Variants in NRXN1 observed in about 807,000 individuals in gnomAD.
NRXN1 encodes the protein neurexin-1.
Under a neutral mutation model 150.9 loss-of-function variants are expected in NRXN1, and 39 were observed. The ratio of observed to expected loss-of-function variants is 0.26; its 90% CI spans 0.20 to 0.34. The LOEUF (loss-of-function observed/expected upper bound fraction) is 0.34, where lower values mean the gene tolerates loss of function less well. Among genes scored for constraint, NRXN1 ranks in the 10% least tolerant of loss-of-function variants. NRXN1 has a pLI of 1.00. For synonymous variants in NRXN1, 924 were observed against 757.0 expected, an observed-to-expected ratio of 1.22 and a Z score of -3.62; for missense variants, 1,815 against 1,949.9, an observed-to-expected ratio of 0.93 and a Z score of 1.30.
At chr2:50,717,034 G>A (rs946406482) in intron 5 of NRXN1, among the ~76,000 whole-genome samples, 2 of 152,030 alleles carry the variant, frequency 1.3e-5, no homozygotes, top group African/African-American at 4.8e-5. Flanking sequence ...ACCCAATGGA[G>A]CCTTCATGTT....
intron 8 of NRXN1, chr2:50,589,029 C>T (rs188688586): frequency 7.6e-4 from 116 of 152,214 alleles, no homozygotes; most frequent in African/African-American, 2.6e-3. Flanking sequence ...GAAATTATCC[C>T]GAAGCCCGGT....
At chr2:50,537,431 C>G (rs1362680474) in intron 10 of NRXN1, among the ~76,000 whole-genome samples, 1 of 152,162 alleles carries the variant, frequency 6.6e-6, no homozygotes, top group Non-Finnish European at 1.5e-5. Context: ...ACTATTTGTT[C>G]TGCTATTTAT....
At chr2:50,782,593 TAAGAAAA>T (rs1704505700) in intron 5 of NRXN1, among the ~76,000 whole-genome samples, 1 of 151,894 alleles carries the variant, frequency 6.6e-6, no homozygotes, top group African/African-American at 2.4e-5. Context: ...AACCCAAAAA[TAAGAAAA>T]AAGAAAAAAG....
At chr2:49,998,983 T>C (rs1683462561) in intron 21 of NRXN1, among the ~76,000 whole-genome samples, 1 of 152,118 alleles carries the variant, frequency 6.6e-6, no homozygotes, top group African/African-American at 2.4e-5. Context: ...CAAATTACCT[T>C]GTACTAGCAT....
intron 12 of NRXN1, among the ~76,000 whole-genome samples, chr2:50,528,323 A>G (rs2093011204): frequency 6.6e-6 from 1 of 152,118 alleles, no homozygotes; most frequent in Non-Finnish European, 1.5e-5. Context: ...TTATGAAGAG[A>G]ACAACTGGAG....
chr2:50,715,317 T>A (rs910390026), intron 5 of NRXN1, among the ~76,000 whole-genome samples: 1 of 152,124 alleles, frequency 6.6e-6, no homozygotes, highest in African/African-American at 2.4e-5. Flanking sequence ...TGGATCCACA[T>A]CTGTATTCTG....
chr2:50,372,297 T>C (rs180954414), intron 17 of NRXN1, among the ~76,000 whole-genome samples: 283 of 152,202 alleles, frequency 1.9e-3, no homozygotes, highest in African/African-American at 6.7e-3. Flanking sequence ...GTGTTCTCTC[T>C]TTTTGCTGGG....
chr2:51,019,192 G>A (rs1304688505), intron 2 of NRXN1, among the ~76,000 whole-genome samples: 3 of 151,904 alleles, frequency 2.0e-5, no homozygotes, highest in African/African-American at 7.2e-5. Context: ...TAAGGTATTG[G>A]GCATACTTGG....
intron 5 of NRXN1, among the ~76,000 whole-genome samples, chr2:50,628,894 T>C (rs1159572110): frequency 6.6e-6 from 1 of 151,552 alleles, no homozygotes; most frequent in Non-Finnish European, 1.5e-5. Context: ...GACATTAAAG[T>C]ATAAAAGGCT....
chr2:50,729,002 T>C (rs1256338226), intron 5 of NRXN1, among the ~76,000 whole-genome samples: 2 of 152,070 alleles, frequency 1.3e-5, no homozygotes, highest in Non-Finnish European at 2.9e-5. Context: ...CTGTGAAACC[T>C]TTTTTTCCCC....
intron 17 of NRXN1, among the ~76,000 whole-genome samples, chr2:50,311,389 T>C (rs1343723219): frequency 6.6e-6 from 1 of 152,138 alleles, no homozygotes; most frequent in East Asian, 1.9e-4. Context: ...TATTTAAAGA[T>C]ATGCACTGCT....
chr2:50,007,911 T>TA (rs1448612203), intron 21 of NRXN1, among the ~76,000 whole-genome samples: 2 of 152,154 alleles, frequency 1.3e-5, no homozygotes, highest in African/African-American at 4.8e-5. Flanking sequence ...CCTGACTTTT[T>TA]AATGGTAAGT....
intron 5 of NRXN1, among the ~76,000 whole-genome samples, chr2:50,685,980 G>T (rs554017995): frequency 1.7e-4 from 26 of 151,948 alleles, no homozygotes; most frequent in Non-Finnish European, 3.5e-4. Flanking sequence ...AACTAGACAG[G>T]CTTTCTCTAA....
At chr2:50,563,204 G>A (rs1669363048) in intron 8 of NRXN1, among the ~76,000 whole-genome samples, 1 of 151,970 alleles carries the variant, frequency 6.6e-6, no homozygotes, top group South Asian at 2.1e-4. Flanking sequence ...TTTACTTAAG[G>A]GGACTTTAGA....
chr2:50,485,207 A>C (rs1424803936), intron 15 of NRXN1, among the ~76,000 whole-genome samples: 1 of 152,248 alleles, frequency 6.6e-6, no homozygotes, highest in East Asian at 1.9e-4. Flanking sequence ...AAGTGCCAAC[A>C]CAGTCAATAT....
intron 18 of NRXN1, among the ~76,000 whole-genome samples, chr2:50,095,863 T>C (rs906547668): frequency 2.6e-5 from 4 of 151,918 alleles, no homozygotes; most frequent in Non-Finnish European, 4.4e-5. Context: ...TGTATACATG[T>C]GCCATGTTGG....
At chr2:50,721,372 C>A (rs960221391) in intron 5 of NRXN1, among the ~76,000 whole-genome samples, 1 of 152,190 alleles carries the variant, frequency 6.6e-6, no homozygotes, top group African/African-American at 2.4e-5. Flanking sequence ...GAGCTAAGAA[C>A]AGGATCCTGA....
intron 5 of NRXN1, chr2:50,637,511 T>A (rs536017717): frequency 2.9e-4 from 44 of 152,358 alleles, no homozygotes; most frequent in African/African-American, 1.0e-3. Flanking sequence ...GAGAAAGACT[T>A]GAGGTAACTC....
rs1471226422 is a variant in NRXN1, at chr2:50,804,119, G to GA, written c.832+117749dup. 2.6e-5 allele frequency among the ~76,000 whole-genome samples: 4 copies of GA among 151,992 alleles called. No individual in the cohort carries two copies. In the East Asian group the frequency reaches 7.7e-4, roughly 29 times the overall value. The stretch of plus-strand genomic sequence containing the variant: ...CCAATTCTTACCCCTTTCAAACAGC[G>GA]AATCAGTTCTCGAAATGAAATCAAT... On this transcript the variant is annotated intron_variant, in intron 5 of 22. Transcript: ENST00000401669.
Sources: gnomAD v4.1 joint callset for allele counts (sites outside exome capture counted in the v4.1 genomes callset) on GRCh38, gnomAD v4.1.1 for gene constraint, MANE v1.5 for transcripts, NCBI Gene and HGNC (gene_info 2026-07-23, HGNC 2026-07-21) for gene names.